Variants in TOGARAM2 observed in about 807,000 individuals in gnomAD.
The protein encoded by TOGARAM2 is TOG array regulator of axonemal microtubules 2.
In TOGARAM2, 85 loss-of-function variants were observed where a neutral mutation model predicts 93.3. The ratio of observed to expected loss-of-function variants is 0.91; its 90% confidence interval spans 0.76 to 1.09. The LOEUF (loss-of-function observed/expected upper bound fraction) is 1.09, where lower values mean the gene tolerates loss of function less well. Among genes scored for constraint, TOGARAM2 ranks in the 50% least tolerant of loss-of-function variants. The pLI is 0.00. For synonymous variants in TOGARAM2, 593 were observed against 552.8 expected (o/e 1.07, Z -1.02); for missense variants, 1,277 against 1,334.5 (o/e 0.96, Z 0.67).
At chr2:28,967,796 G>GTTTTT (rs1671887287) in intron 1 of TOGARAM2, among the ~76,000 whole-genome samples, 4 of 90,220 alleles carry the variant, frequency 4.4e-5, no homozygotes, top group African/African-American at 1.8e-4. Flanking sequence ...AAATAAGATG[G>GTTTTT]TCTTTTTTTT....
At position 28,966,324 on chromosome 2, in the gene TOGARAM2, A is replaced by C. The variant is rs566168038; in HGVS notation, c.-147+9627A>C. Among the ~76,000 whole-genome samples the C allele has an allele frequency of 4.0e-5, 6 of 151,616 alleles. No homozygotes were observed. The South Asian group carries it at 1.3e-3, about 32-fold the overall frequency. Reference sequence around the variant, plus strand: ...ATTTATTTATTTATTTTTGAGATGGAGTCTCGCTCTGTCACCAGGCTGGAG... The same window carrying C: ...ATTTATTTATTTATTTTTGAGATGGCGTCTCGCTCTGTCACCAGGCTGGAG... On this transcript the variant is annotated intron_variant, in intron 1 of 6. Coordinates refer to the TOGARAM2 transcript ENST00000401723.
At chr2:29,000,492 T>G (rs968922344) in intron 4 of TOGARAM2, among the ~76,000 whole-genome samples, 1 of 152,212 alleles carries the variant, frequency 6.6e-6, no homozygotes, top group African/African-American at 2.4e-5. Context: ...ACACCTGGCA[T>G]ATGGGAAGAA....
intron 10 of TOGARAM2, 172 bp downstream of exon 10, chr2:29,018,128 G>A: frequency 1.4e-6 from 1 of 702,204 alleles, no homozygotes; most frequent in South Asian, 2.0e-5. Context: ...ACAGTGTCAG[G>A]GACTCATCAT....
intron 1 of TOGARAM2, among the ~76,000 whole-genome samples, chr2:28,967,362 C>G (rs1671881911): frequency 6.6e-6 from 1 of 152,120 alleles, no homozygotes; most frequent in Non-Finnish European, 1.5e-5. Flanking sequence ...GTGGTCCCAG[C>G]TACTCAGGAA....
rs762302618 is a variant in TOGARAM2 at position 29,002,673 on chromosome 2, G to A, written c.565G>A (p.Gly189Arg). 17 of 1,613,892 alleles carry A rather than the reference G, an allele frequency of 1.1e-5. No homozygotes were observed. Among genetic ancestry groups the A allele is most frequent in the East Asian group, 2.2e-5 (1 of 44,904 alleles). The change falls in exon 5 of 20, where the codon GGA (glycine) becomes AGA (arginine). Residue 189 changes from glycine (G) to arginine (R), a missense_variant. Transcript: ENST00000379558. The part of the protein sequence containing the change: ...QSIPTTPEAS[G>R]VKEKGLDLPG... ...CATCCCTACCACCCCTGAGGCCAGC[G>A]GAGTCAAAGAGAAGGGCCTGGACCT...
chr2:28,988,081 G>T (rs1003002225), intron 1 of TOGARAM2, among the ~76,000 whole-genome samples: 1 of 152,176 alleles, frequency 6.6e-6, no homozygotes, highest in Non-Finnish European at 1.5e-5. Context: ...GAGCCATCCA[G>T]GCCTCCTTGC....
intron 1 of TOGARAM2, among the ~76,000 whole-genome samples, chr2:28,984,745 A>G (rs998010572): frequency 1.3e-5 from 2 of 152,228 alleles, no homozygotes; most frequent in South Asian, 2.1e-4. Flanking sequence ...CCAGCAGAAG[A>G]CTTCCAAGCC....
At chr2:28,998,624 A>G (rs1044537387) in intron 3 of TOGARAM2, among the ~76,000 whole-genome samples, 4 of 152,178 alleles carry the variant, frequency 2.6e-5, no homozygotes, top group African/African-American at 9.7e-5. Flanking sequence ...GTTGTGGCCA[A>G]GCTTCTGAGA....
chr2:29,047,697 C>T (rs1666825129), intron 19 of TOGARAM2: 1 of 152,272 alleles, frequency 6.6e-6, no homozygotes, highest in Non-Finnish European at 1.5e-5. Context: ...CTGAAGTAGC[C>T]TGAGTTCTAT....
intron 1 of TOGARAM2, among the ~76,000 whole-genome samples, chr2:28,992,167 T>C (rs1421968188): frequency 1.3e-5 from 2 of 152,244 alleles, no homozygotes; most frequent in African/African-American, 4.8e-5. Context: ...CTGGACTTCC[T>C]GATTCTGATT....
At chr2:28,996,356 T>G (rs1010792905) in intron 2 of TOGARAM2, among the ~76,000 whole-genome samples, 1 of 152,190 alleles carries the variant, frequency 6.6e-6, no homozygotes, top group Non-Finnish European at 1.5e-5. Context: ...TCTATCTAAC[T>G]GTATTTTTGT....
At position 29,014,470 on chromosome 2, in the gene TOGARAM2, C is replaced by T. The variant is rs1271164001; in HGVS notation, c.953C>T (p.Ser318Phe). 6.2e-7 allele frequency: 1 copy of T among 1,601,252 alleles called. No individual in the cohort carries two copies. The change falls in exon 8 of 20, where the codon TCT becomes TTT. Residue 318 changes from serine (S) to phenylalanine (F), a missense_variant. Physicochemically the swap from Ser to Phe is radical, Grantham distance 155 (BLOSUM62 -2). Coordinates refer to ENST00000379558, the MANE Select transcript of TOGARAM2 (RefSeq NM_199280.4). The stretch of plus-strand genomic sequence containing the variant: ...AAGCCTGCCCTGCCTTTTTCTCAGT[C>T]TGCTCCCACGCTGACAGCCTTCTCC... ...AKKPALPFSQ[S>F]APTLTAFSFD... is the part of the protein sequence containing the mutation.
At chr2:29,046,778 G>A (rs960538977) in intron 19 of TOGARAM2, 1 of 152,952 alleles carries the variant, frequency 6.5e-6, no homozygotes, top group African/African-American at 2.4e-5. Context: ...CCAACCCTGT[G>A]CTGTGCTGCT....
intron 7 of TOGARAM2, 107 bp downstream of exon 7, chr2:29,011,608 T>G (rs1664252049): frequency 1.8e-6 from 2 of 1,111,736 alleles, no homozygotes; most frequent in Middle Eastern, 2.1e-4. Flanking sequence ...AGCTCTTGTG[T>G]CTGGGCCCTT....
rs773218201 is a variant in TOGARAM2, at chr2:29,014,573, G to C, written c.1044+12G>C. ...AGATCGGCACCAAGGTACCTGGGGAGCGGGAGGAGGAGGAAGTGGGGCTGG... is the reference window on the plus strand; with the variant it reads ...AGATCGGCACCAAGGTACCTGGGGACCGGGAGGAGGAGGAAGTGGGGCTGG... On this transcript the variant is annotated intron_variant, in intron 8 of 19. Transcript: ENST00000379558. 1 of 1,560,652 alleles carries C rather than the reference G, an allele frequency of 6.4e-7. No individual in the cohort carries two copies. The highest frequency in any genetic ancestry group is 1.9e-5 in the Admixed American group (1 of 51,848).
At chr2:29,019,404 A>C (rs1664797620) in intron 10 of TOGARAM2, among the ~76,000 whole-genome samples, 1 of 152,066 alleles carries the variant, frequency 6.6e-6, no homozygotes, top group South Asian at 2.1e-4. Context: ...TCTCGACCTC[A>C]AGTGATTCGC....
chr2:29,039,635 G>A (rs751229771), intron 18 of TOGARAM2, among the ~76,000 whole-genome samples: 2 of 152,158 alleles, frequency 1.3e-5, no homozygotes, highest in Non-Finnish European at 2.9e-5. Flanking sequence ...TCCTTTTCAT[G>A]GGAGGTAGTA....
chr2:28,974,151 G>C (rs6755124), intron 1 of TOGARAM2, among the ~76,000 whole-genome samples: 3 of 141,798 alleles, frequency 2.1e-5, no homozygotes, highest in Non-Finnish European at 4.5e-5. Context: ...TTTCTGAGGC[G>C]AAGTCTCTCT....
At chr2:29,015,481 C>T (rs943604321) in intron 8 of TOGARAM2, among the ~76,000 whole-genome samples, 4 of 152,226 alleles carry the variant, frequency 2.6e-5, no homozygotes, top group African/African-American at 9.7e-5. Context: ...CTCCTTGAAA[C>T]AGGATCATTG....
Sources: gnomAD v4.1 joint callset for allele counts (sites outside exome capture counted in the v4.1 genomes callset) on GRCh38, gnomAD v4.1.1 for gene constraint, MANE v1.5 for transcripts, NCBI Gene and HGNC (gene_info 2026-07-23, HGNC 2026-07-21) for gene names.